Variants in CEBPZ observed in about 807,000 individuals in gnomAD.
The protein encoded by CEBPZ is CCAAT/enhancer-binding protein zeta.
CEBPZ carries 78 observed loss-of-function variants against 104.5 expected under a neutral mutation model. The observed-to-expected ratio is 0.75, with a 90% confidence interval of 0.62 to 0.90. The LOEUF (loss-of-function observed/expected upper bound fraction) is 0.90, where lower values mean the gene tolerates loss of function less well. Among genes scored for constraint, CEBPZ ranks in the 40% least tolerant of loss-of-function variants. CEBPZ has a pLI of 0.00. For synonymous variants in CEBPZ, 470 were observed against 427.0 expected (o/e 1.10, Z -1.24); for missense variants, 1,439 against 1,233.5 (o/e 1.17, Z -2.50).
intron 2 of CEBPZ, among the ~76,000 whole-genome samples, chr2:37,226,048 T>A (rs1326444983): frequency 6.6e-6 from 1 of 150,428 alleles, no homozygotes. Flanking sequence ...GCTGACCCTC[T>A]CCCCACAATT....
chr2:37,214,989 G>C (rs774973990), intron 8 of CEBPZ, 37 bp from the exon 9 acceptor site: 1 of 1,299,628 alleles, frequency 7.7e-7, no homozygotes, highest in African/African-American at 1.5e-5. Flanking sequence ...ACTTCATATA[G>C]CAATCCCCTT....
intron 5 of CEBPZ, among the ~76,000 whole-genome samples, 186 bp downstream of exon 5, chr2:37,220,199 C>T (rs1664736165): frequency 1.3e-5 from 2 of 151,786 alleles, no homozygotes; most frequent in Admixed American, 1.3e-4. Context: ...CGCCTGTAAT[C>T]CCAGCTACTT....
In CEBPZ at chr2:37,231,548, G is replaced by C. The variant is rs565707666; in HGVS notation, c.20C>G (p.Pro7Arg). ...AGGCCGCTTGGCATGGAACTCCAAA[G>C]GCTCCTTGACTGCGGCCATGGCGGG... is the stretch of plus-strand genomic sequence containing the variant. MAAVKEPLEFHAKRPWR... is the reference protein window; with the variant it reads MAAVKERLEFHAKRPWR... Residue 7 changes from proline (P) to arginine (R), a missense_variant, in exon 1 of 16, where the codon CCT becomes CGT. Physicochemically the swap from Pro to Arg is moderately radical, Grantham distance 103 (BLOSUM62 -2). Coordinates refer to ENST00000234170, the MANE Select transcript of CEBPZ (RefSeq NM_005760.3). 16 of 1,614,226 alleles carry C rather than the reference G, an allele frequency of 9.9e-6. No homozygotes were observed. The South Asian group carries it at 1.8e-4, about 18-fold the overall frequency.
chr2:37,211,086 T>C lies in CEBPZ; in HGVS notation c.2801-4A>G, dbSNP rs765457339. The C allele has an allele frequency of 6.2e-7, 1 of 1,600,188 alleles. No individual in the cohort carries two copies. Among genetic ancestry groups the C allele is most frequent in the South Asian group, 1.1e-5 (1 of 88,408 alleles). ...ACTTTGGAGTGGACTTCAAGTTCTG[T>C]TACACGAAAAAATTTGCTAATAAGC... is the stretch of plus-strand genomic sequence containing the variant. On this transcript the variant is annotated splice_polypyrimidine_tract_variant and splice_region_variant and intron_variant, in intron 12 of 15. Coordinates refer to ENST00000234170, the MANE Select transcript of CEBPZ (RefSeq NM_005760.3).
At position 37,228,617 on chromosome 2, in the gene CEBPZ, A is replaced by G. The variant is rs775973071; in HGVS notation, c.576T>C (p.Tyr192=). 6 of 1,614,186 alleles carry G rather than the reference A, an allele frequency of 3.7e-6. No individual in the cohort carries two copies. The highest frequency in any genetic ancestry group is 3.3e-4 in the Middle Eastern group (2 of 6,062). The change falls in exon 2 of 16, where the codon TAT becomes TAC. Residue 192 remains tyrosine (Y), a synonymous_variant. Coordinates refer to ENST00000234170, the MANE Select transcript of CEBPZ (RefSeq NM_005760.3). ...KWYDLEYSNE[Y]SLKPQPQDVV... The stretch of plus-strand genomic sequence containing the variant: ...CATCCTGAGGCTGGGGTTTCAAAGA[A>G]TATTCATTGCTGTACTCCAGATCAT...
chr2:37,217,913 A>AC (rs397947279), intron 5 of CEBPZ, among the ~76,000 whole-genome samples: 3 of 145,780 alleles, frequency 2.1e-5, no homozygotes, highest in Non-Finnish European at 3.0e-5. Flanking sequence ...AAAAAAAAAA[A>AC]CAAAAAACAA....
intron 13 of CEBPZ, chr2:37,203,710 G>A (rs1380506822): frequency 1.3e-5 from 2 of 152,146 alleles, no homozygotes; most frequent in East Asian, 1.9e-4. Context: ...AAGATCCCTG[G>A]TGCCATTTGT....
intron 5 of CEBPZ, among the ~76,000 whole-genome samples, chr2:37,219,399 C>T (rs1485017836): frequency 7.4e-6 from 1 of 134,448 alleles, no homozygotes; most frequent in African/African-American, 2.4e-5. Context: ...TTAAGTCATA[C>T]TGGCTTTTTT....
intron 13 of CEBPZ, chr2:37,203,628 G>A (rs1044224375): frequency 6.6e-6 from 1 of 152,090 alleles, no homozygotes; most frequent in Non-Finnish European, 1.5e-5. Flanking sequence ...GTGTATTAAC[G>A]CATTTTGGTA....
In CEBPZ at chr2:37,203,403, A is replaced by G. The variant is rs78159615; in HGVS notation, c.2885-395T>C. 710 of 154,070 alleles carry G rather than the reference A, an allele frequency of 4.6e-3. 6 individuals carry two copies. The highest frequency in any genetic ancestry group is 0.026 in the Middle Eastern group (8 of 302). 9.5% of individuals were successfully genotyped at this position (154,070 alleles called of 1,614,324 possible). A position where few individuals can be genotyped will look rare whatever the true frequency, so the allele number is the denominator to read the frequency against. On this transcript the variant is annotated intron_variant, in intron 13 of 15. Transcript: ENST00000234170. ...CTTTAGATTGTAAAGAAATTGACTG[A>G]AAGTATGTTTATTATGCTATAAATG...
chr2:37,210,349 T>C (rs759242497), intron 13 of CEBPZ: 4 of 152,096 alleles, frequency 2.6e-5, no homozygotes, highest in African/African-American at 9.7e-5. Context: ...CAATCTGCAA[T>C]TGCAAAAATA....
intron 13 of CEBPZ, among the ~76,000 whole-genome samples, chr2:37,205,407 A>G (rs1289883981): frequency 6.6e-6 from 1 of 152,264 alleles, no homozygotes; most frequent in Non-Finnish European, 1.5e-5. Flanking sequence ...TCCTGGCTCA[A>G]AAGCTCCCCT....
At chr2:37,210,911 C>A in intron 13 of CEBPZ, 88 bp downstream of exon 13, 9 of 626,514 alleles carry the variant, frequency 1.4e-5, no homozygotes, top group East Asian at 4.2e-5. Context: ...TTTTATTAAT[C>A]AAATTTAGGA....
At chr2:37,212,867 C>CAACA (rs1677769159) in intron 10 of CEBPZ, among the ~76,000 whole-genome samples, 1 of 117,252 alleles carries the variant, frequency 8.5e-6, no homozygotes, top group Non-Finnish European at 1.8e-5. Flanking sequence ...ACAACAACAA[C>CAACA]AAAAAAAAAA....
At chr2:37,205,553 G>T (rs1677507985) in intron 13 of CEBPZ, among the ~76,000 whole-genome samples, 1 of 152,098 alleles carries the variant, frequency 6.6e-6, no homozygotes, top group Admixed American at 6.5e-5. Flanking sequence ...TTCGGACTCA[G>T]CCCGCCTGCA....
At chr2:37,205,549 C>G (rs1677507446) in intron 13 of CEBPZ, among the ~76,000 whole-genome samples, 1 of 152,224 alleles carries the variant, frequency 6.6e-6, no homozygotes, top group South Asian at 2.1e-4. Context: ...TCTTTTCGGA[C>G]TCAGCCCGCC....
intron 13 of CEBPZ, among the ~76,000 whole-genome samples, chr2:37,207,580 TG>T (rs1445477238): frequency 5.3e-5 from 8 of 152,068 alleles, no homozygotes; most frequent in Admixed American, 2.0e-4. Context: ...GAAATCAAGA[TG>T]GAAATTAAAA....
At chr2:37,215,061 T>C (rs544186410) in intron 8 of CEBPZ, 109 bp from the exon 9 acceptor site, 40 of 752,760 alleles carry the variant, frequency 5.3e-5, no homozygotes, top group Non-Finnish European at 8.3e-5. Flanking sequence ...AATCTCAGAA[T>C]TGTGTGGGAA....
At chr2:37,231,307 T>C (rs1665086067) in intron 1 of CEBPZ, 105 bp downstream of exon 1, 2 of 1,521,150 alleles carry the variant, frequency 1.3e-6, no homozygotes, top group African/African-American at 1.4e-5. Flanking sequence ...ATCTCGGTCC[T>C]GGACGCCCGC....
Sources: gnomAD v4.1 joint callset for allele counts (sites outside exome capture counted in the v4.1 genomes callset) on GRCh38, gnomAD v4.1.1 for gene constraint, MANE v1.5 for transcripts, NCBI Gene and HGNC (gene_info 2026-07-23, HGNC 2026-07-21) for gene names.